Variants in CYP19A1 observed in about 807,000 individuals in gnomAD.
The protein encoded by CYP19A1 is aromatase.
In CYP19A1, 32 loss-of-function variants were observed where a neutral mutation model predicts 44.4. That is an observed-to-expected ratio of 0.72 (90% confidence interval 0.54 to 0.97). CYP19A1 has a LOEUF of 0.97. Ranked by LOEUF, CYP19A1 falls within the 50% of genes least tolerant of loss-of-function variation. CYP19A1 has a pLI of 0.00. For synonymous variants in CYP19A1, 212 were observed against 215.6 expected, an observed-to-expected ratio of 0.98 and a Z score of 0.14; for missense variants, 598 against 637.8, an observed-to-expected ratio of 0.94 and a Z score of 0.67.
chr15:51,217,207 G>A lies in CYP19A1; in HGVS notation c.743+1334C>T, dbSNP rs2031658489. ...ACTAGCCCCAAATGGTCTGGGAGGT[G>A]TTGGAATGCCCCAGCCTCTAAATTC... is the stretch of plus-strand genomic sequence containing the variant. On this transcript the variant is annotated intron_variant, in intron 6 of 9. Coordinates refer to ENST00000396402, the MANE Select transcript of CYP19A1 (RefSeq NM_000103.4). Among the ~76,000 whole-genome samples, 3 of 152,206 alleles carry A rather than the reference G, an allele frequency of 2.0e-5. No individual in the cohort carries two copies. The South Asian group carries it at 6.2e-4, about 31-fold the overall frequency.
chr15:51,331,330 G>C (rs1182257201), intron 1 of CYP19A1, among the ~76,000 whole-genome samples: 1 of 152,336 alleles, frequency 6.6e-6, no homozygotes, highest in East Asian at 1.9e-4. Flanking sequence ...ACTAGAATGA[G>C]AGCTTGCTGA....
chr15:51,305,915 TAC>T (rs1423794012), intron 1 of CYP19A1, among the ~76,000 whole-genome samples: 2 of 152,086 alleles, frequency 1.3e-5, no homozygotes, highest in African/African-American at 2.4e-5. Context: ...AGAAAACTAA[TAC>T]AGTGAGTAAA....
At chr15:51,219,549 T>C (rs1310082733) in intron 5 of CYP19A1, among the ~76,000 whole-genome samples, 1 of 152,222 alleles carries the variant, frequency 6.6e-6, no homozygotes, top group Non-Finnish European at 1.5e-5. Context: ...CCCAAAACCA[T>C]ACAGCCAGTG....
intron 3 of CYP19A1, among the ~76,000 whole-genome samples, chr15:51,235,687 G>A (rs1403605761): frequency 6.6e-6 from 1 of 152,046 alleles, no homozygotes; most frequent in Admixed American, 6.5e-5. Flanking sequence ...CAAATATTTG[G>A]GCTTTGAGGA....
chr15:51,233,436 A>G (rs963614068), intron 3 of CYP19A1, among the ~76,000 whole-genome samples: 3 of 152,198 alleles, frequency 2.0e-5, no homozygotes, highest in African/African-American at 7.2e-5. Flanking sequence ...TGGTTTGTCC[A>G]CTGCTGTATT....
chr15:51,218,603 G>A lies in CYP19A1; in HGVS notation c.681C>T (p.Leu227=), dbSNP rs763732916. Residue 227 remains leucine, a synonymous_variant, in exon 6 of 10, where the codon CTC becomes CTT. Transcript: ENST00000396402. ...TAAAGAAGATGTCTGGTTTGATGAG[G>A]AGAGCTTGCCATGCATCAAAATAAC... ...IQGYFDAWQA[L]LIKPDIFFKI... is the part of the protein sequence containing the mutation. The A allele has an allele frequency of 1.9e-6, 3 of 1,613,728 alleles. No homozygotes were observed. Among genetic ancestry groups the A allele is most frequent in the African/African-American group, 1.3e-5 (1 of 74,902 alleles).
chr15:51,327,708 C>T (rs1484619757), intron 1 of CYP19A1, among the ~76,000 whole-genome samples: 1 of 152,086 alleles, frequency 6.6e-6, no homozygotes, highest in Admixed American at 6.5e-5. Flanking sequence ...TGGCTCTCTG[C>T]CACATCAGAC....
At chr15:51,282,631 T>G (rs1301005753) in intron 1 of CYP19A1, among the ~76,000 whole-genome samples, 1 of 152,216 alleles carries the variant, frequency 6.6e-6, no homozygotes, top group African/African-American at 2.4e-5. Flanking sequence ...TCTCTTTCCT[T>G]TGACTCTGCC....
intron 1 of CYP19A1, among the ~76,000 whole-genome samples, chr15:51,252,289 C>T (rs555425319): frequency 9.2e-5 from 14 of 152,264 alleles, no homozygotes; most frequent in African/African-American, 3.1e-4. Flanking sequence ...CAGTACAATT[C>T]TGGGATCCCA....
intron 1 of CYP19A1, among the ~76,000 whole-genome samples, chr15:51,292,445 T>G (rs1407368882): frequency 2.6e-5 from 4 of 152,234 alleles, no homozygotes; most frequent in Non-Finnish European, 4.4e-5. Context: ...TGACCCAGCA[T>G]GTGACGACAA....
At chr15:51,315,537 C>T (rs2036409343) in intron 1 of CYP19A1, among the ~76,000 whole-genome samples, 1 of 152,220 alleles carries the variant, frequency 6.6e-6, no homozygotes, top group Admixed American at 6.5e-5. Context: ...GCACAGTTTA[C>T]TGTTGTATAC....
intron 5 of CYP19A1, among the ~76,000 whole-genome samples, chr15:51,219,487 G>A (rs1299510988): frequency 6.6e-6 from 1 of 152,210 alleles, no homozygotes; most frequent in Admixed American, 6.5e-5. Flanking sequence ...GCGTTGTGGT[G>A]TCATCCTTTT....
In CYP19A1 at chr15:51,252,302, C is replaced by T. The variant is rs2034345013; in HGVS notation, c.-38-9352G>A. On this transcript the variant is annotated intron_variant, in intron 1 of 9. Transcript: ENST00000396402. The stretch of plus-strand genomic sequence containing the variant: ...TTCAGTACAATTCTGGGATCCCAGA[C>T]CCCCTAAAGCCCAATCCAAAGACCT... 2.0e-5 allele frequency among the ~76,000 whole-genome samples: 3 copies of T among 152,250 alleles called. No homozygotes were observed. In the South Asian group the frequency reaches 6.2e-4, roughly 32 times the overall value.
At chr15:51,313,905 T>C (rs2036369665) in intron 1 of CYP19A1, 1 of 152,092 alleles carries the variant, frequency 6.6e-6, no homozygotes, top group Non-Finnish European at 1.5e-5. Flanking sequence ...TTTCCTACCT[T>C]GGAATTGGAA....
chr15:51,302,748 G>A (rs748185414), intron 1 of CYP19A1, among the ~76,000 whole-genome samples: 5 of 152,198 alleles, frequency 3.3e-5, no homozygotes, highest in Non-Finnish European at 5.9e-5. Context: ...ACCTCCTCTG[G>A]CAGGCCTTCT....
At chr15:51,212,267 A>T in intron 9 of CYP19A1, 53 bp downstream of exon 9, 1 of 1,271,158 alleles carries the variant, frequency 7.9e-7, no homozygotes, top group Non-Finnish European at 1.2e-6. Context: ...GAGAGGATTT[A>T]ACAGTTGACA....
At chr15:51,286,613 G>A (rs1444990838) in intron 1 of CYP19A1, among the ~76,000 whole-genome samples, 3 of 152,110 alleles carry the variant, frequency 2.0e-5, no homozygotes, top group Admixed American at 2.0e-4. Context: ...ACAGCACAAA[G>A]GGAATCCTCC....
chr15:51,295,979 T>C (rs1182421996), intron 1 of CYP19A1, among the ~76,000 whole-genome samples: 3 of 152,128 alleles, frequency 2.0e-5, no homozygotes, highest in Non-Finnish European at 4.4e-5. Flanking sequence ...AAGATGACCA[T>C]GACCAAGGAC....
chr15:51,230,617 C>CTTTT (rs35011672), intron 3 of CYP19A1, among the ~76,000 whole-genome samples: 4 of 126,528 alleles, frequency 3.2e-5, no homozygotes, highest in African/African-American at 2.9e-5. Context: ...TTGGTGCCTT[C>CTTTT]TTTTTTTTTT....
Sources: gnomAD v4.1 joint callset for allele counts (sites outside exome capture counted in the v4.1 genomes callset) on GRCh38, gnomAD v4.1.1 for gene constraint, MANE v1.5 for transcripts, NCBI Gene and HGNC (gene_info 2026-07-23, HGNC 2026-07-21) for gene names.